GRAP2: variants seen among roughly 807,000 people sequenced by gnomAD.
The protein encoded by GRAP2 is GRB2-related adapter protein 2.
A neutral mutation model predicts 43.5 loss-of-function variants in GRAP2; 31 were observed. The observed-to-expected ratio is 0.71, with a 90% CI of 0.54 to 0.96. The LOEUF (loss-of-function observed/expected upper bound fraction) is 0.96. Ranked by LOEUF, GRAP2 falls within the 40% of genes least tolerant of loss-of-function variation. The pLI, the probability that GRAP2 is intolerant of heterozygous loss-of-function variation, is 0.00. For missense variants in GRAP2, 371 were observed against 424.4 expected (o/e 0.87, Z 1.11); for synonymous variants, 156 against 164.8 (o/e 0.95, Z 0.41).
At chr22:39,965,603 C>T (rs1367190279) in intron 4 of GRAP2, among the ~76,000 whole-genome samples, 1 of 152,186 alleles carries the variant, frequency 6.6e-6, no homozygotes, top group Admixed American at 6.5e-5. Flanking sequence ...TTTCTGGTAA[C>T]AGAAAGATAA....
At chr22:39,959,906 G>C in intron 3 of GRAP2, 149 bp from the exon 4 acceptor site, 1 of 693,846 alleles carries the variant, frequency 1.4e-6, no homozygotes. Context: ...TGGAGCACTG[G>C]TTTGATTTCA....
chr22:39,948,357 G>T (rs979711616), intron 2 of GRAP2: 1 of 151,868 alleles, frequency 6.6e-6, no homozygotes, highest in Admixed American at 6.6e-5. Context: ...GCTCCTGGAG[G>T]GACTTGCCAA....
chr22:39,968,816 C>T (rs1376496950), intron 6 of GRAP2: 1 of 157,616 alleles, frequency 6.3e-6, no homozygotes, highest in Admixed American at 6.3e-5. Flanking sequence ...AGCCTCGTCC[C>T]TGCTGCCTCC....
chr22:39,898,761 C>T (rs962795283), upstream of GRAP2, among the ~76,000 whole-genome samples: 1 of 152,074 alleles, frequency 6.6e-6, no homozygotes, highest in African/African-American at 2.4e-5. Flanking sequence ...TGCAGTGAGC[C>T]AAGATTGCGT....
upstream of GRAP2, among the ~76,000 whole-genome samples, chr22:39,898,011 G>A (rs1825111013): frequency 6.6e-6 from 1 of 152,072 alleles, no homozygotes; most frequent in Non-Finnish European, 1.5e-5. Context: ...TGGCAACAAG[G>A]CCCTACATGT....
Position 39,971,875 on chromosome 22 carries a change from C to T in GRAP2, c.*791C>T, listed in dbSNP as rs2067247929. The stretch of plus-strand genomic sequence containing the variant: ...TATGAAGGAAATAGCATCCTACATT[C>T]CGTAAAGTGCTTGAAGAAGCTCTAG... On this transcript the variant is annotated 3_prime_UTR_variant, in exon 8 of 8. Transcript: ENST00000344138. 1 of 152,236 alleles carries T rather than the reference C, an allele frequency of 6.6e-6. No individual in the cohort carries two copies. Among genetic ancestry groups the T allele is most frequent in the Non-Finnish European group, 1.5e-5 (1 of 68,046 alleles). The allele number at this position is 152,236 out of a possible 1,614,324, so 9.4% of individuals were successfully genotyped here. A position where few individuals can be genotyped will look rare whatever the true frequency, so the allele number is the denominator to read the frequency against.
At chr22:39,924,584 C>T (rs2066681342) in intron 1 of GRAP2, among the ~76,000 whole-genome samples, 1 of 152,098 alleles carries the variant, frequency 6.6e-6, no homozygotes, top group Non-Finnish European at 1.5e-5. Flanking sequence ...CGCCTGCAAT[C>T]CTAGCTACTC....
intron 1 of GRAP2, among the ~76,000 whole-genome samples, chr22:39,945,116 C>T (rs999773466): frequency 2.6e-5 from 4 of 152,238 alleles, no homozygotes; most frequent in Non-Finnish European, 5.9e-5. Flanking sequence ...GGGCAGAATA[C>T]TCCTTCCTGT....
intron 1 of GRAP2, among the ~76,000 whole-genome samples, chr22:39,929,507 C>T (rs891654718): frequency 6.6e-6 from 1 of 152,152 alleles, no homozygotes; most frequent in African/African-American, 2.4e-5. Flanking sequence ...CTACTTCCTG[C>T]CTCTCCTCAC....
chr22:39,900,298 C>T (rs1183264356), upstream of GRAP2, among the ~76,000 whole-genome samples: 2 of 152,308 alleles, frequency 1.3e-5, no homozygotes, highest in South Asian at 2.1e-4. Context: ...CTAGGAACAT[C>T]CCAGTGAGCC....
At chr22:39,939,729 C>T (rs954869341) in intron 1 of GRAP2, among the ~76,000 whole-genome samples, 10 of 151,522 alleles carry the variant, frequency 6.6e-5, no homozygotes, top group African/African-American at 1.9e-4. Context: ...GCCAGCATGG[C>T]GAAACCCCAT....
chr22:39,943,570 C>G (rs746857044), intron 1 of GRAP2, among the ~76,000 whole-genome samples: 2 of 152,072 alleles, frequency 1.3e-5, no homozygotes, highest in African/African-American at 2.4e-5. Flanking sequence ...GGGGCTGCTG[C>G]TGGAGGTGGT....
upstream of GRAP2, among the ~76,000 whole-genome samples, chr22:39,898,350 TTA>T (rs2066473602): frequency 6.6e-6 from 1 of 152,150 alleles, no homozygotes; most frequent in African/African-American, 2.4e-5. Context: ...AGGGCAGAGA[TTA>T]TGTTTTGTTC....
intron 2 of GRAP2, among the ~76,000 whole-genome samples, chr22:39,952,088 G>A (rs868227843): frequency 2.0e-5 from 3 of 150,196 alleles, no homozygotes; most frequent in South Asian, 2.1e-4. Context: ...GTGCAATGGC[G>A]CAATCTCGGC....
intron 3 of GRAP2, among the ~76,000 whole-genome samples, chr22:39,957,275 G>A (rs2067064745): frequency 6.6e-6 from 1 of 152,142 alleles, no homozygotes; most frequent in South Asian, 2.1e-4. Flanking sequence ...AACCCTTGAT[G>A]CTGCCCAGGA....
At chr22:39,946,450 A>G (rs1418057462) in intron 1 of GRAP2, among the ~76,000 whole-genome samples, 5 of 152,240 alleles carry the variant, frequency 3.3e-5, no homozygotes, top group African/African-American at 7.2e-5. Flanking sequence ...CAATTCAAAA[A>G]TGTTAAAATC....
intron 1 of GRAP2, among the ~76,000 whole-genome samples, chr22:39,914,917 G>A (rs993327823): frequency 2.6e-5 from 4 of 151,906 alleles, no homozygotes; most frequent in South Asian, 2.1e-4. Flanking sequence ...GGCCAGGCAC[G>A]GTGGCTCACA....
rs981002892 is a variant in GRAP2 at position 39,946,917 on chromosome 22, TC to T, written c.-14-174del. 9 of 569,840 alleles carry T rather than the reference TC, an allele frequency of 1.6e-5. No individual in the cohort carries two copies. The African/African-American group carries it at 1.7e-4, about 11-fold the overall frequency. 35.3% of individuals were successfully genotyped at this position (569,840 alleles called of 1,614,324 possible). The stretch of plus-strand genomic sequence containing the variant: ...ATCCCAGGACCTAGATCCTATAGAT[TC>T]CGGCAGCTCTTCCTGCAAACACAAG... On this transcript the variant is annotated intron_variant, in intron 1 of 7. Coordinates refer to ENST00000344138, the MANE Select transcript of GRAP2 (RefSeq NM_004810.4).
chr22:39,917,365 C>G (rs551835390), intron 1 of GRAP2, among the ~76,000 whole-genome samples: 1 of 152,250 alleles, frequency 6.6e-6, no homozygotes, highest in East Asian at 1.9e-4. Context: ...CAGCCAATTT[C>G]ACTAACAACA....
Sources: allele counts gnomAD v4.1 joint callset (sites outside exome capture counted in the v4.1 genomes callset), GRCh38; gene constraint gnomAD v4.1.1; transcripts MANE v1.5; gene names NCBI Gene and HGNC (gene_info 2026-07-23, HGNC 2026-07-21).